RYR2: variants seen among roughly 807,000 people sequenced by gnomAD.
RYR2 encodes the protein ryanodine receptor 2, also known as cardiac muscle ryanodine receptor-calcium release channel.
RYR2 carries 227 observed loss-of-function variants against 601.1 expected under a neutral mutation model. That is an observed-to-expected ratio of 0.38 (90% CI 0.34 to 0.42). RYR2 has a LOEUF of 0.42. RYR2 is among the 10% of genes least tolerant of loss of function. The pLI is 1.00. For missense variants in RYR2, 4,646 were observed against 6,156.5 expected (o/e 0.75, Z 8.21); for synonymous variants, 2,223 against 2,175.1 (o/e 1.02, Z -0.61).
chr1:237,435,028 G>A (rs180710319), intron 12 of RYR2, among the ~76,000 whole-genome samples: 4 of 152,172 alleles, frequency 2.6e-5, no homozygotes, highest in African/African-American at 7.2e-5. Flanking sequence ...TGCCTGCCTC[G>A]GCCTCCCAAA....
At chr1:237,353,033 G>A (rs1026763667) in intron 3 of RYR2, among the ~76,000 whole-genome samples, 10 of 152,058 alleles carry the variant, frequency 6.6e-5, no homozygotes, top group South Asian at 2.1e-4. Context: ...GAAGATTTGC[G>A]TGTGATACAT....
Position 237,819,173 on chromosome 1 carries a change from T to C in RYR2, c.14571T>C (p.Ile4857=), listed in dbSNP as rs1662155861. 1.2e-6 allele frequency: 2 copies of C among 1,613,704 alleles called. No homozygotes were observed. Among genetic ancestry groups the C allele is most frequent in the Non-Finnish European group, 1.7e-6 (2 of 1,179,632 alleles). ...DITFFFFVIV[I]LLAIIQGLII... The stretch of plus-strand genomic sequence containing the variant: ...CTTTCTTCTTCTTTGTTATTGTCAT[T>C]CTCTTGGCCATAATACAAGGTAAGT... Residue 4857 remains isoleucine (I), a synonymous_variant, in exon 101 of 105, where the codon ATT becomes ATC. Coordinates refer to ENST00000366574, the MANE Select transcript of RYR2 (RefSeq NM_001035.3). The surrounding 1 kb of genome is among the most constrained non-coding windows in gnomAD (Gnocchi z 4.0).
At chr1:237,308,069 A>G (rs1694073902) in intron 2 of RYR2, among the ~76,000 whole-genome samples, 1 of 147,214 alleles carries the variant, frequency 6.8e-6, no homozygotes, top group South Asian at 2.2e-4. Flanking sequence ...GCATTCTCAT[A>G]AAGTCAGGCA....
chr1:237,318,399 T>G (rs543283682), intron 2 of RYR2, among the ~76,000 whole-genome samples: 4 of 152,232 alleles, frequency 2.6e-5, no homozygotes, highest in Non-Finnish European at 5.9e-5. Flanking sequence ...GAAATAAAAT[T>G]TTTACAGTCT....
Position 237,279,638 on chromosome 1 carries a change from G to A in RYR2, c.168+9022G>A, listed in dbSNP as rs568543395. The stretch of plus-strand genomic sequence containing the variant: ...GATTTTAGCATCGTTACACAAGGTT[G>A]AACCTCATGCAACACCAGGATTTCA... On this transcript the variant is annotated intron_variant, in intron 2 of 104. Coordinates refer to ENST00000366574, the MANE Select transcript of RYR2 (RefSeq NM_001035.3). Among the ~76,000 whole-genome samples the A allele has an allele frequency of 1.7e-3, 258 of 152,268 alleles. 1 individual carries two copies. Among genetic ancestry groups the A allele is most frequent in the African/African-American group, 5.8e-3 (243 of 41,548 alleles).
At chr1:237,469,040 AT>A in intron 16 of RYR2, 51 bp from the exon 17 acceptor site, 1 of 1,485,424 alleles carries the variant, frequency 6.7e-7, no homozygotes, top group East Asian at 2.3e-5. Context: ...GCTTATCTCA[AT>A]TTTCGAGCTA....
In RYR2 at chr1:237,614,161, G is replaced by A. The variant is rs1678207715; in HGVS notation, c.5033G>A (p.Ser1678Asn). ...GNHRVAHALC[S>N]HVDEPQLLYA... is the part of the protein sequence containing the mutation. ...CACCGGGTGGCCCATGCCCTGTGCA[G>A]CCATGTGGATGAACCTCAGCTCCTC... Residue 1678 changes from serine (S) to asparagine (N), a missense_variant, in exon 37 of 105, where the codon AGC (serine) becomes AAC (asparagine). Transcript: ENST00000366574. The surrounding 1 kb of genome is among the most constrained non-coding windows in gnomAD (Gnocchi z 4.3). 9 of 1,614,042 alleles carry A rather than the reference G, an allele frequency of 5.6e-6. No homozygotes were observed. Among genetic ancestry groups the A allele is most frequent in the Non-Finnish European group, 7.6e-6 (9 of 1,179,896 alleles).
intron 1 of RYR2, among the ~76,000 whole-genome samples, chr1:237,168,311 G>A (rs1410405903): frequency 2.6e-5 from 4 of 152,000 alleles, no homozygotes; most frequent in African/African-American, 7.3e-5. Flanking sequence ...CATGCAGGGG[G>A]TGCTGGGTTG....
chr1:237,322,681 A>C (rs539951367), intron 2 of RYR2, among the ~76,000 whole-genome samples: 24 of 152,244 alleles, frequency 1.6e-4, no homozygotes, highest in Non-Finnish European at 2.8e-4. Flanking sequence ...CAAAGCTGAG[A>C]TATTACTGCA....
At chr1:237,418,047 T>A (rs142214989) in intron 11 of RYR2, among the ~76,000 whole-genome samples, 6,396 of 152,104 alleles carry the variant, frequency 0.042, 213 homozygotes, top group Non-Finnish European at 0.069. Flanking sequence ...TTAATTAATT[T>A]ATTTATTTAT....
intron 84 of RYR2, among the ~76,000 whole-genome samples, chr1:237,767,259 A>G (rs1020799959): frequency 6.6e-5 from 10 of 152,200 alleles, no homozygotes; most frequent in African/African-American, 2.4e-4. Flanking sequence ...ATATGTAATG[A>G]TAATCAGTCA....
chr1:237,358,814 C>A (rs1037289138), intron 4 of RYR2, among the ~76,000 whole-genome samples: 1 of 152,048 alleles, frequency 6.6e-6, no homozygotes, highest in South Asian at 2.1e-4. Flanking sequence ...TCAGGTATCC[C>A]TGAAGCTACC....
intron 72 of RYR2, among the ~76,000 whole-genome samples, chr1:237,718,191 C>T (rs1050372083): frequency 6.6e-6 from 1 of 152,106 alleles, no homozygotes; most frequent in Non-Finnish European, 1.5e-5. Flanking sequence ...AGAAAACATG[C>T]TATGCCCCCT....
chr1:237,515,652 C>CTTCT (rs1666358092), intron 24 of RYR2, among the ~76,000 whole-genome samples: 1 of 132,880 alleles, frequency 7.5e-6, no homozygotes, highest in African/African-American at 2.8e-5. Context: ...CACCCCTTCC[C>CTTCT]TCCCCTTCCC....
intron 1 of RYR2, among the ~76,000 whole-genome samples, chr1:237,260,029 A>G (rs1233192273): frequency 1.3e-5 from 2 of 152,220 alleles, no homozygotes; most frequent in Non-Finnish European, 2.9e-5. Context: ...TAGTTCATGC[A>G]TACAAGGCAA....
At chr1:237,307,015 A>G (rs1451261712) in intron 2 of RYR2, among the ~76,000 whole-genome samples, 1 of 152,178 alleles carries the variant, frequency 6.6e-6, no homozygotes, top group Non-Finnish European at 1.5e-5. Context: ...TCCTAAGAAA[A>G]CTGTAATACC....
At chr1:237,050,491 A>G (rs914551170) in intron 1 of RYR2, among the ~76,000 whole-genome samples, 2 of 152,204 alleles carry the variant, frequency 1.3e-5, no homozygotes, top group African/African-American at 4.8e-5. Context: ...GAACAATTCA[A>G]TGTGGCCAAT....
At chr1:237,518,465 T>C (rs1038086345) in intron 24 of RYR2, among the ~76,000 whole-genome samples, 1 of 152,186 alleles carries the variant, frequency 6.6e-6, no homozygotes, top group Admixed American at 6.5e-5. Context: ...TCTATGTCCA[T>C]GTGTGCACAT....
intron 24 of RYR2, among the ~76,000 whole-genome samples, chr1:237,529,760 T>TACACACACACACACACACACACACAC (rs71561882): frequency 1.2e-4 from 16 of 134,588 alleles, no homozygotes; most frequent in African/African-American, 4.5e-4. Flanking sequence ...AATAATATCA[T>TACACACACACACACACACACACACAC]ACACACACAC....
Sources: gnomAD v4.1 joint callset for allele counts (sites outside exome capture counted in the v4.1 genomes callset) on GRCh38, gnomAD v4.1.1 for gene constraint, Gnocchi (gnomAD v3.1) non-coding constraint, MANE v1.5 for transcripts, NCBI Gene and HGNC (gene_info 2026-07-23, HGNC 2026-07-21) for gene names.